NEGR1: variants seen among roughly 807,000 people sequenced by gnomAD.
NEGR1 encodes the protein IgLON family member 4.
In NEGR1, 10 loss-of-function variants were observed where a neutral mutation model predicts 40.9. The ratio of observed to expected loss-of-function variants is 0.24; its 90% CI spans 0.15 to 0.42. The LOEUF (loss-of-function observed/expected upper bound fraction) is 0.42. Ranked by LOEUF, NEGR1 falls within the 10% of genes least tolerant of loss-of-function variation. The probability of loss-of-function intolerance (pLI) is 1.00; values close to 1 mark genes in which losing one functional copy is unlikely to be tolerated. For synonymous variants in NEGR1, 185 were observed against 166.8 expected, an observed-to-expected ratio of 1.11 and a Z score of -0.84; for missense variants, 352 against 438.9, an observed-to-expected ratio of 0.80 and a Z score of 1.77.
chr1:71,547,504 GT>G (rs1647938187), intron 6 of NEGR1, among the ~76,000 whole-genome samples: 1 of 151,720 alleles, frequency 6.6e-6, no homozygotes, highest in Admixed American at 6.6e-5. Context: ...CAGCTTTAAT[GT>G]CATTTGAAGA....
intron 2 of NEGR1, among the ~76,000 whole-genome samples, chr1:71,858,797 A>C (rs1031661217): frequency 2.0e-5 from 3 of 152,118 alleles, no homozygotes; most frequent in African/African-American, 7.2e-5. Flanking sequence ...ATATCATTTA[A>C]TTGCCCTAAA....
intron 1 of NEGR1, among the ~76,000 whole-genome samples, chr1:72,038,448 G>T (rs779483759): frequency 2.0e-5 from 3 of 152,026 alleles, no homozygotes; most frequent in Admixed American, 1.3e-4. Context: ...GGTCAAGGAA[G>T]TTACTCAGTA....
At chr1:71,786,848 G>A (rs1488071644) in intron 2 of NEGR1, among the ~76,000 whole-genome samples, 1 of 152,084 alleles carries the variant, frequency 6.6e-6, no homozygotes, top group East Asian at 1.9e-4. Context: ...TTCCAAACTG[G>A]GAAAACAAAA....
rs1646069950 is a variant in NEGR1 at position 71,951,484 on chromosome 1, AT to A, written c.177-16174del. Among the ~76,000 whole-genome samples the A allele has an allele frequency of 7.2e-5, 11 of 152,156 alleles. No homozygotes were observed. The South Asian group carries it at 2.3e-3, about 31-fold the overall frequency. Reference sequence around the variant, plus strand: ...AGGAAATAACAATACTTCAAAATGAATTAAAGGTTGTTATTCTGAGATAGCG... The same window carrying A: ...AGGAAATAACAATACTTCAAAATGAATAAAGGTTGTTATTCTGAGATAGCG... On this transcript the variant is annotated intron_variant, in intron 1 of 6. Coordinates refer to ENST00000357731, the MANE Select transcript of NEGR1 (RefSeq NM_173808.3).
At chr1:71,603,124 AG>A (rs1227934695) in intron 5 of NEGR1, among the ~76,000 whole-genome samples, 3 of 152,244 alleles carry the variant, frequency 2.0e-5, no homozygotes, top group Non-Finnish European at 4.4e-5. Context: ...TTCCTTTTCA[AG>A]TTATCTCACA....
At chr1:72,224,485 A>T (rs1654112339) in intron 1 of NEGR1, among the ~76,000 whole-genome samples, 1 of 152,116 alleles carries the variant, frequency 6.6e-6, no homozygotes, top group Admixed American at 6.6e-5. Flanking sequence ...AATGCACTAA[A>T]TTATTTGCTG....
At chr1:72,014,620 T>A (rs939952288) in intron 1 of NEGR1, among the ~76,000 whole-genome samples, 3 of 152,010 alleles carry the variant, frequency 2.0e-5, no homozygotes, top group Non-Finnish European at 4.4e-5. Context: ...CCTTTAAAAA[T>A]GAATTTCCAT....
At chr1:71,649,249 T>A (rs1250386489) in intron 4 of NEGR1, among the ~76,000 whole-genome samples, 2 of 152,116 alleles carry the variant, frequency 1.3e-5, no homozygotes, top group Non-Finnish European at 2.9e-5. Context: ...TCTGAGAGTA[T>A]AACTTTAAAC....
chr1:71,821,975 C>T (rs1658445002), intron 2 of NEGR1, among the ~76,000 whole-genome samples: 1 of 151,842 alleles, frequency 6.6e-6, no homozygotes, highest in African/African-American at 2.4e-5. Context: ...TCAGGTATGA[C>T]CAACTAATAA....
intron 1 of NEGR1, among the ~76,000 whole-genome samples, chr1:71,967,195 A>G (rs1484415816): frequency 1.3e-5 from 2 of 152,214 alleles, no homozygotes; most frequent in African/African-American, 2.4e-5. Context: ...TGCACTTATG[A>G]AAAAATAATG....
chr1:71,950,554 A>G (rs918294267), intron 1 of NEGR1, among the ~76,000 whole-genome samples: 10 of 151,964 alleles, frequency 6.6e-5, no homozygotes, highest in Admixed American at 2.6e-4. Context: ...TCTCTACCTT[A>G]GCCATTAATC....
At chr1:71,817,757 T>A (rs1004916232) in intron 2 of NEGR1, among the ~76,000 whole-genome samples, 2 of 152,060 alleles carry the variant, frequency 1.3e-5, no homozygotes, top group Non-Finnish European at 2.9e-5. Flanking sequence ...CTGCTGTTAT[T>A]GAAATGTATG....
intron 1 of NEGR1, among the ~76,000 whole-genome samples, chr1:72,055,355 C>T (rs1487000188): frequency 6.6e-6 from 1 of 151,112 alleles, no homozygotes; most frequent in African/African-American, 2.4e-5. Flanking sequence ...TAAAATTACT[C>T]CCTTATATTG....
At chr1:71,708,210 A>G (rs951616126) in intron 3 of NEGR1, among the ~76,000 whole-genome samples, 2 of 152,136 alleles carry the variant, frequency 1.3e-5, no homozygotes, top group African/African-American at 2.4e-5. Flanking sequence ...TGCCCTTTCA[A>G]ACAGAGGATT....
chr1:71,613,300 G>T (rs913318461), intron 4 of NEGR1, among the ~76,000 whole-genome samples: 1 of 152,014 alleles, frequency 6.6e-6, no homozygotes, highest in Non-Finnish European at 1.5e-5. Flanking sequence ...ATTTAATTTG[G>T]CTTGAGTAGC....
chr1:71,952,572 G>A (rs1411378182), intron 1 of NEGR1, among the ~76,000 whole-genome samples: 4 of 151,994 alleles, frequency 2.6e-5, no homozygotes. Context: ...TGATATAGAA[G>A]CTGCAGCAAG....
At chr1:71,863,366 C>T (rs1660011131) in intron 2 of NEGR1, among the ~76,000 whole-genome samples, 1 of 152,096 alleles carries the variant, frequency 6.6e-6, no homozygotes, top group Non-Finnish European at 1.5e-5. Context: ...AGAAACACTA[C>T]AGGTCCTCAT....
chr1:71,696,712 A>G (rs1557617266), intron 4 of NEGR1, among the ~76,000 whole-genome samples: 1 of 151,868 alleles, frequency 6.6e-6, no homozygotes, highest in Non-Finnish European at 1.5e-5. Context: ...CTGCAATAAG[A>G]GTCCTGAGAA....
Position 71,611,131 on chromosome 1 carries a change from T to G in NEGR1, c.683A>C (p.Gln228Pro). 1 of 1,613,864 alleles carries G rather than the reference T, an allele frequency of 6.2e-7. No homozygotes were observed. The highest frequency in any genetic ancestry group is 8.5e-7 in the Non-Finnish European group (1 of 1,179,912). ...KVVVNFAPTIQEIKSGTVTPG... is the reference protein window; with the variant it reads ...KVVVNFAPTIPEIKSGTVTPG... ...GGTCACGGTGCCAGATTTAATTTCC[T>G]GAATAGTAGGAGCAACTGCAAAAGA... Residue 228 changes from glutamine to proline, a missense_variant, in exon 5 of 7, where the codon CAG becomes CCG. By Grantham distance (76) the Gln-to-Pro change is moderately conservative (BLOSUM62 -1). Around this residue, in one of 5 missense-constraint regions of NEGR1, gnomAD observed 184 missense variants for 208.7 expected, o/e 0.88. Coordinates refer to ENST00000357731, the MANE Select transcript of NEGR1 (RefSeq NM_173808.3).
Sources: allele counts gnomAD v4.1 joint callset (sites outside exome capture counted in the v4.1 genomes callset), GRCh38; gene constraint gnomAD v4.1.1; regional missense constraint gnomAD v4.1.1; transcripts MANE v1.5; gene names NCBI Gene and HGNC (gene_info 2026-07-23, HGNC 2026-07-21).